The following CSNK1G3 variants were observed in gnomAD, a reference collection of about 807,000 sequenced individuals.
The protein encoded by CSNK1G3 is casein kinase I isoform gamma-3.
Under a neutral mutation model 64.3 loss-of-function variants are expected in CSNK1G3, and 23 were observed. The ratio of observed to expected loss-of-function variants is 0.36; its 90% CI spans 0.26 to 0.51. The LOEUF is 0.51. Among genes scored for constraint, CSNK1G3 ranks in the 20% least tolerant of loss-of-function variants. CSNK1G3 has a pLI of 0.96. For synonymous variants in CSNK1G3, 158 were observed against 162.2 expected (o/e 0.97, Z 0.20); for missense variants, 357 against 510.5 (o/e 0.70, Z 2.90).
At chr5:123,527,673 G>A (rs1346508772) in intron 1 of CSNK1G3, among the ~76,000 whole-genome samples, 2 of 152,150 alleles carry the variant, frequency 1.3e-5, no homozygotes, top group Non-Finnish European at 2.9e-5. Context: ...ATATTTCGCT[G>A]TAGTTGAGAA....
At chr5:123,545,604 C>T in exon 2 of CSNK1G3, 1 of 1,413,404 alleles carries the variant, frequency 7.1e-7, no homozygotes, top group East Asian at 2.4e-5. Flanking sequence ...TTTCACAATA[C>T]CCTGTTTCAG....
intron 10 of CSNK1G3, among the ~76,000 whole-genome samples, chr5:123,596,666 A>G (rs1793500491): frequency 6.6e-6 from 1 of 152,166 alleles, no homozygotes; most frequent in Admixed American, 6.5e-5. Flanking sequence ...AGATGTTTGA[A>G]CATTGCTCGT....
chr5:123,528,094 A>G (rs1779368705), intron 1 of CSNK1G3, among the ~76,000 whole-genome samples: 2 of 152,172 alleles, frequency 1.3e-5, no homozygotes. Flanking sequence ...AGAATTATTT[A>G]AAAATGAAAG....
chr5:123,610,818 A>G (rs896144102), intron 12 of CSNK1G3, among the ~76,000 whole-genome samples: 1 of 152,156 alleles, frequency 6.6e-6, no homozygotes, highest in African/African-American at 2.4e-5. Flanking sequence ...TCCACTAAAA[A>G]TAATGAAAAA....
At chr5:123,613,763 TAC>T (rs1226036883) in intron 12 of CSNK1G3, among the ~76,000 whole-genome samples, 6 of 152,222 alleles carry the variant, frequency 3.9e-5, no homozygotes, top group African/African-American at 1.2e-4. Context: ...TCAATTGTGC[TAC>T]TTTAAATATT....
intron 1 of CSNK1G3, among the ~76,000 whole-genome samples, chr5:123,522,403 T>C (rs1437164455): frequency 6.6e-6 from 1 of 151,628 alleles, no homozygotes; most frequent in Admixed American, 6.6e-5. Context: ...CTTGGGAGAC[T>C]GAGGCAGGAG....
rs116596600 is a variant in CSNK1G3 at position 123,606,709 on chromosome 5, C to T, written c.1217+1347C>T. On this transcript the variant is annotated intron_variant, in intron 12 of 12. Coordinates refer to ENST00000345990, the Ensembl canonical transcript of CSNK1G3. ...TATCTGTGTCCTATATTTTTACTTC[C>T]ATACACACACTCTTCACTGAAACTG... Among the ~76,000 whole-genome samples the T allele has an allele frequency of 4.2e-3, 639 of 152,174 alleles. 5 individuals are homozygous for T. Among genetic ancestry groups the T allele is most frequent in the African/African-American group, 0.014 (593 of 41,532 alleles).
intron 2 of CSNK1G3, among the ~76,000 whole-genome samples, chr5:123,548,188 G>A (rs1782917682): frequency 6.6e-6 from 1 of 152,094 alleles, no homozygotes; most frequent in Admixed American, 6.6e-5. Context: ...GCTTGGCATG[G>A]TGGCTCACAT....
chr5:123,573,124 A>G (rs1479168864), intron 4 of CSNK1G3, among the ~76,000 whole-genome samples: 1 of 152,212 alleles, frequency 6.6e-6, no homozygotes, highest in African/African-American at 2.4e-5. Flanking sequence ...TTGTCCAGTA[A>G]TAAGGTGGTA....
chr5:123,532,778 G>A (rs756050250), intron 1 of CSNK1G3, among the ~76,000 whole-genome samples: 9 of 151,792 alleles, frequency 5.9e-5, no homozygotes, highest in Non-Finnish European at 8.9e-5. Flanking sequence ...CAAGTTACTC[G>A]TTTGTTGATA....
At chr5:123,519,271 C>T (rs1777688952) in intron 1 of CSNK1G3, among the ~76,000 whole-genome samples, 1 of 152,124 alleles carries the variant, frequency 6.6e-6, no homozygotes, top group African/African-American at 2.4e-5. Context: ...CCAGGCTGGT[C>T]TTGAACTCCT....
At chr5:123,584,690 G>A (rs1165895364) in intron 6 of CSNK1G3, among the ~76,000 whole-genome samples, 1 of 152,180 alleles carries the variant, frequency 6.6e-6, no homozygotes, top group Non-Finnish European at 1.5e-5. Context: ...TGTTTAATAG[G>A]ATTCAGTAGC....
At chr5:123,590,579 T>C in intron 9 of CSNK1G3, 21 bp downstream of exon 9, 1 of 1,367,720 alleles carries the variant, frequency 7.3e-7, no homozygotes, top group Non-Finnish European at 9.8e-7. Context: ...TATATAATAA[T>C]ATATTACTTA....
intron 1 of CSNK1G3, among the ~76,000 whole-genome samples, chr5:123,539,529 A>G (rs867803843): frequency 2.0e-5 from 3 of 151,320 alleles, no homozygotes; most frequent in Non-Finnish European, 2.9e-5. Context: ...TCAGTGGTAC[A>G]TTTCTAGTAT....
intron 6 of CSNK1G3, among the ~76,000 whole-genome samples, 153 bp from the exon 7 acceptor site, chr5:123,587,915 T>C (rs557692768): frequency 1.3e-5 from 2 of 152,318 alleles, no homozygotes; most frequent in African/African-American, 2.4e-5. Flanking sequence ...TATATAGATA[T>C]AATTTTATCA....
At chr5:123,521,950 TA>T (rs1207641891) in intron 1 of CSNK1G3, among the ~76,000 whole-genome samples, 4 of 152,296 alleles carry the variant, frequency 2.6e-5, no homozygotes, top group African/African-American at 9.6e-5. Context: ...AGGGCATTGA[TA>T]TATTTTAGGA....
chr5:123,593,444 G>A (rs1299514228), intron 10 of CSNK1G3, among the ~76,000 whole-genome samples: 1 of 151,854 alleles, frequency 6.6e-6, no homozygotes, highest in Non-Finnish European at 1.5e-5. Context: ...CCTTTGTAAT[G>A]CCCCTAGATA....
At chr5:123,577,180 C>T (rs911273597) in intron 6 of CSNK1G3, among the ~76,000 whole-genome samples, 12 of 151,996 alleles carry the variant, frequency 7.9e-5, no homozygotes, top group Admixed American at 2.6e-4. Context: ...TATAAACAAA[C>T]TCATCTTGTA....
At chr5:123,556,666 T>C (rs373578505) in intron 3 of CSNK1G3, among the ~76,000 whole-genome samples, 1 of 152,080 alleles carries the variant, frequency 6.6e-6, no homozygotes, top group Non-Finnish European at 1.5e-5. Context: ...TGGTTCTTTT[T>C]AAAATTTCCT....
Sources: allele counts gnomAD v4.1 joint callset (sites outside exome capture counted in the v4.1 genomes callset), GRCh38; gene constraint gnomAD v4.1.1; transcripts MANE v1.5; gene names NCBI Gene and HGNC (gene_info 2026-07-23, HGNC 2026-07-21).